SLC8A1: variants seen among roughly 807,000 people sequenced by gnomAD.
SLC8A1 encodes solute carrier family 8 member A1.
A neutral mutation model predicts 68.3 loss-of-function variants in SLC8A1; 18 were observed. That is an observed-to-expected ratio of 0.26 (90% CI 0.18 to 0.39). The LOEUF (loss-of-function observed/expected upper bound fraction) is 0.39. SLC8A1 is among the 10% of genes least tolerant of loss of function. The probability of loss-of-function intolerance (pLI) is 1.00; values close to 1 mark genes in which losing one functional copy is unlikely to be tolerated. For missense variants in SLC8A1, 985 were observed against 1,156.7 expected (o/e 0.85, Z 2.15); for synonymous variants, 475 against 415.5 (o/e 1.14, Z -1.74).
intron 2 of SLC8A1, chr2:40,177,889 G>A: frequency 7.3e-7 from 1 of 1,374,256 alleles, no homozygotes; most frequent in Non-Finnish European, 1.0e-6. Flanking sequence ...AAAACAAATG[G>A]TTGGAGTCAC....
chr2:40,270,890 T>C (rs1277644825), intron 2 of SLC8A1, among the ~76,000 whole-genome samples: 1 of 152,130 alleles, frequency 6.6e-6, no homozygotes, highest in East Asian at 1.9e-4. Flanking sequence ...TAGAGCTGTC[T>C]TTCCAGGACC....
intron 1 of SLC8A1, among the ~76,000 whole-genome samples, chr2:40,474,398 T>C (rs1314615301): frequency 6.6e-6 from 1 of 152,164 alleles, no homozygotes; most frequent in Non-Finnish European, 1.5e-5. Context: ...CATAAATGGT[T>C]TCTCAGAAAA....
intron 2 of SLC8A1, among the ~76,000 whole-genome samples, chr2:40,293,928 C>A (rs185939447): frequency 1.3e-5 from 2 of 152,018 alleles, no homozygotes; most frequent in African/African-American, 4.8e-5. Context: ...ATTGATTGGG[C>A]GCAAAGATCA....
chr2:40,182,586 T>C (rs1363153512), intron 2 of SLC8A1, among the ~76,000 whole-genome samples: 2 of 152,338 alleles, frequency 1.3e-5, no homozygotes, highest in East Asian at 3.9e-4. Context: ...TTTTATTTGA[T>C]GATACCAAAC....
intron 3 of SLC8A1, chr2:40,177,665 AGAG>A (rs1313155964): frequency 3.7e-6 from 3 of 801,532 alleles, no homozygotes; most frequent in Non-Finnish European, 6.3e-6. Context: ...AAGCCGAGGA[AGAG>A]GAGAGAGTTA....
chr2:40,299,857 G>C (rs570730725), intron 2 of SLC8A1, among the ~76,000 whole-genome samples: 1 of 152,302 alleles, frequency 6.6e-6, no homozygotes, highest in Non-Finnish European at 1.5e-5. Flanking sequence ...AATCGGTTTA[G>C]AGTTGTGTTG....
intron 2 of SLC8A1, among the ~76,000 whole-genome samples, chr2:40,359,450 G>A (rs1313240365): frequency 6.6e-6 from 1 of 152,128 alleles, no homozygotes; most frequent in African/African-American, 2.4e-5. Context: ...TGTCCTGAGC[G>A]CAATGAGAAG....
At chr2:40,334,649 T>C (rs1665354705) in intron 2 of SLC8A1, among the ~76,000 whole-genome samples, 1 of 152,284 alleles carries the variant, frequency 6.6e-6, no homozygotes, top group Non-Finnish European at 1.5e-5. Context: ...TGAAAACATT[T>C]TTTTCAGCCA....
intron 1 of SLC8A1, among the ~76,000 whole-genome samples, chr2:40,473,457 T>A (rs1314726407): frequency 6.6e-6 from 1 of 152,178 alleles, no homozygotes; most frequent in Non-Finnish European, 1.5e-5. Flanking sequence ...CCATAGCACA[T>A]AACAGTTTCT....
At chr2:40,181,788 G>C (rs1305563662) in intron 2 of SLC8A1, among the ~76,000 whole-genome samples, 1 of 152,176 alleles carries the variant, frequency 6.6e-6, no homozygotes, top group Non-Finnish European at 1.5e-5. Context: ...AGGTAGCTGA[G>C]GTGAAATAAA....
chr2:40,189,183 T>A (rs531014393), intron 2 of SLC8A1, among the ~76,000 whole-genome samples: 4 of 152,316 alleles, frequency 2.6e-5, no homozygotes, highest in African/African-American at 9.6e-5. Flanking sequence ...TCTGTCCTTG[T>A]CTATATGAAA....
chr2:40,434,321 A>C (rs1333391636), intron 1 of SLC8A1, among the ~76,000 whole-genome samples: 2 of 152,234 alleles, frequency 1.3e-5, no homozygotes, highest in Admixed American at 6.5e-5. Flanking sequence ...AAGCAATTGG[A>C]AAGAACTCTC....
intron 1 of SLC8A1, among the ~76,000 whole-genome samples, chr2:40,490,346 A>G (rs1002059617): frequency 1.3e-5 from 2 of 152,166 alleles, no homozygotes; most frequent in South Asian, 4.1e-4. Flanking sequence ...AAATAAGCAC[A>G]GAATAATTTT....
intron 2 of SLC8A1, among the ~76,000 whole-genome samples, chr2:40,396,984 T>C (rs1687189918): frequency 6.6e-6 from 1 of 152,112 alleles, no homozygotes; most frequent in Admixed American, 6.6e-5. Context: ...GCAATTTCCA[T>C]GGCCCTGGAA....
chr2:40,168,331 G>A (rs904896197), intron 4 of SLC8A1, among the ~76,000 whole-genome samples: 3 of 152,138 alleles, frequency 2.0e-5, no homozygotes, highest in Non-Finnish European at 2.9e-5. Flanking sequence ...CCCGGTGAAG[G>A]TGATGGTAAG....
chr2:40,482,105 T>C (rs946984380), intron 1 of SLC8A1, among the ~76,000 whole-genome samples: 3 of 152,202 alleles, frequency 2.0e-5, no homozygotes, highest in Non-Finnish European at 4.4e-5. Context: ...ATGCTTAATA[T>C]GAAATTGATC....
At chr2:40,319,975 G>C (rs896817248) in intron 2 of SLC8A1, among the ~76,000 whole-genome samples, 34 of 152,188 alleles carry the variant, frequency 2.2e-4, no homozygotes, top group African/African-American at 7.7e-4. Flanking sequence ...TCTTAAATGG[G>C]GATTATGGCA....
intron 2 of SLC8A1, among the ~76,000 whole-genome samples, chr2:40,262,188 C>T (rs2064802961): frequency 1.3e-5 from 2 of 152,150 alleles, no homozygotes; most frequent in East Asian, 1.9e-4. Flanking sequence ...GTCTCGATCT[C>T]CTGACCTTGT....
intron 1 of SLC8A1, among the ~76,000 whole-genome samples, chr2:40,482,340 T>C (rs1364567024): frequency 7.9e-5 from 12 of 152,126 alleles, no homozygotes; most frequent in Non-Finnish European, 1.3e-4. Context: ...CTTTGGGTTT[T>C]GTAAGGGTTG....
Sources: allele counts gnomAD v4.1 joint callset (sites outside exome capture counted in the v4.1 genomes callset), GRCh38; gene constraint gnomAD v4.1.1; transcripts MANE v1.5; gene names NCBI Gene and HGNC (gene_info 2026-07-23, HGNC 2026-07-21).